The following PIK3C2A variants were observed in gnomAD, a reference collection of about 807,000 sequenced individuals.
The protein encoded by PIK3C2A is phosphatidylinositol-4-phosphate 3-kinase catalytic subunit type 2 alpha.
PIK3C2A carries 97 observed loss-of-function variants against 204.5 expected under a neutral mutation model. The ratio of observed to expected loss-of-function variants is 0.47; its 90% CI spans 0.40 to 0.56. PIK3C2A has a LOEUF of 0.56. Among genes scored for constraint, PIK3C2A ranks in the 20% least tolerant of loss-of-function variants. The pLI is 0.00. For synonymous variants in PIK3C2A, 653 were observed against 664.4 expected (o/e 0.98, Z 0.26); for missense variants, 1,735 against 1,969.2 (o/e 0.88, Z 2.25).
chr11:17,121,856 A>G (rs968413341), intron 15 of PIK3C2A, among the ~76,000 whole-genome samples: 1 of 152,050 alleles, frequency 6.6e-6, no homozygotes, highest in Middle Eastern at 3.2e-3. Context: ...GGTTAAAAAA[A>G]TCTCTTGATA....
At chr11:17,183,536 C>T (rs1051960239) in intron 1 of PIK3C2A, among the ~76,000 whole-genome samples, 11 of 151,936 alleles carry the variant, frequency 7.2e-5, no homozygotes, top group African/African-American at 1.2e-4. Context: ...ATTAGCCGGG[C>T]GTGGTGTGGT....
At chr11:17,172,692 G>A (rs962617525) in intron 1 of PIK3C2A, among the ~76,000 whole-genome samples, 15 of 152,098 alleles carry the variant, frequency 9.9e-5, no homozygotes, top group African/African-American at 2.7e-4. Context: ...GGAACAAACG[G>A]TTTTCTTTTC....
At chr11:17,097,442 A>G (rs541341936) in intron 26 of PIK3C2A, among the ~76,000 whole-genome samples, 178 bp from the exon 27 acceptor site, 1 of 152,338 alleles carries the variant, frequency 6.6e-6, no homozygotes, top group Admixed American at 6.5e-5. Context: ...TCTCACCCCA[A>G]CAAAATAATT....
At chr11:17,148,852 ATAATT>A in intron 4 of PIK3C2A, 65 bp from the exon 5 acceptor site, 2 of 1,334,646 alleles carry the variant, frequency 1.5e-6, no homozygotes, top group South Asian at 2.6e-5. Flanking sequence ...TGTATTACTT[ATAATT>A]TAAGACAGCA....
chr11:17,186,983 G>A (rs1023087656), intron 1 of PIK3C2A, among the ~76,000 whole-genome samples: 2 of 152,166 alleles, frequency 1.3e-5, no homozygotes, highest in Non-Finnish European at 2.9e-5. Context: ...GGAGGCTGAG[G>A]TGGGAAGATT....
chr11:17,146,798 A>G (rs1440911353), intron 6 of PIK3C2A, among the ~76,000 whole-genome samples: 1 of 152,140 alleles, frequency 6.6e-6, no homozygotes, highest in African/African-American at 2.4e-5. Flanking sequence ...AATGTACCAA[A>G]TTTTATGAAA....
At position 17,150,531 on chromosome 11, in the gene PIK3C2A, C is replaced by T. The variant is rs771932470; in HGVS notation, c.1294G>A (p.Gly432Arg). The T allele has an allele frequency of 1.2e-6, 2 of 1,608,482 alleles. No individual in the cohort carries two copies. Among genetic ancestry groups the T allele is most frequent in the Non-Finnish European group, 1.7e-6 (2 of 1,177,478 alleles). ...GTAAAAGTAACTGGTAGCTGAAATC[C>T]TTCAATGTCAATGGAGACCTTCACA... ...ASVKVSIDIE[G>R]FQLPVTFTCD... Residue 432 changes from glycine (G) to arginine (R), a missense_variant, in exon 4 of 33, where the codon GGA becomes AGA. Around this residue, in one of 6 missense-constraint regions of PIK3C2A, gnomAD observed 536 missense variants for 546.7 expected, o/e 0.98. Transcript: ENST00000691414.
intron 2 of PIK3C2A, among the ~76,000 whole-genome samples, chr11:17,165,813 G>C: frequency 6.9e-6 from 1 of 145,148 alleles, no homozygotes; most frequent in East Asian, 2.0e-4. Context: ...AAAAAAGGGA[G>C]GGCTTTTAGA....
intron 1 of PIK3C2A, among the ~76,000 whole-genome samples, chr11:17,181,746 T>C (rs1348846950): frequency 6.6e-6 from 1 of 151,362 alleles, no homozygotes; most frequent in East Asian, 1.9e-4. Context: ...TGAAAAACTA[T>C]TTTATTTAAG....
intron 23 of PIK3C2A, among the ~76,000 whole-genome samples, chr11:17,103,076 CAGTCCCTACTTA>C (rs1848694990): frequency 6.6e-6 from 1 of 151,880 alleles, no homozygotes; most frequent in Non-Finnish European, 1.5e-5. Context: ...GGATCTCTAC[CAGTCCCTACTTA>C]GGTACGTGCT....
chr11:17,169,992 G>A (rs980891751), intron 1 of PIK3C2A, among the ~76,000 whole-genome samples, 186 bp from the exon 2 acceptor site: 2 of 152,198 alleles, frequency 1.3e-5, no homozygotes, highest in African/African-American at 4.8e-5. Flanking sequence ...TTGGGTTACA[G>A]AAGATGTTCA....
chr11:17,189,378 G>A (rs1851864255), intron 1 of PIK3C2A, among the ~76,000 whole-genome samples: 2 of 146,380 alleles, frequency 1.4e-5, no homozygotes. Context: ...ACTATGGCAG[G>A]CCGAGGCGGG....
chr11:17,127,697 C>T (rs896309717), intron 13 of PIK3C2A, among the ~76,000 whole-genome samples: 4 of 152,082 alleles, frequency 2.6e-5, no homozygotes, highest in Admixed American at 2.6e-4. Context: ...TTATTGTCAA[C>T]AGATGATTAC....
chr11:17,100,049 G>A (rs1848572322), intron 25 of PIK3C2A, 80 bp from the exon 26 acceptor site: 1 of 721,908 alleles, frequency 1.4e-6, no homozygotes. Flanking sequence ...GGCTGCTCAA[G>A]TAATCAGAAC....
At chr11:17,190,432 G>A (rs553233890) in intron 1 of PIK3C2A, among the ~76,000 whole-genome samples, 67 of 150,682 alleles carry the variant, frequency 4.4e-4, no homozygotes, top group African/African-American at 1.6e-3. Context: ...TTAGCCAGGC[G>A]TGGTGGTGCG....
chr11:17,112,024 A>T (rs914244090), intron 21 of PIK3C2A, among the ~76,000 whole-genome samples: 1 of 152,134 alleles, frequency 6.6e-6, no homozygotes, highest in Non-Finnish European at 1.5e-5. Context: ...TGTGAGTACA[A>T]AGGAATTTAT....
At chr11:17,106,108 C>CAAAA (rs71047530) in intron 22 of PIK3C2A, among the ~76,000 whole-genome samples, 1 of 138,516 alleles carries the variant, frequency 7.2e-6, no homozygotes. Flanking sequence ...GACTCTATCT[C>CAAAA]AAAAAAAAAA....
Position 17,087,275 on chromosome 11 carries a change from C to T in PIK3C2A, c.*2463G>A, listed in dbSNP as rs761107854. On this transcript the variant is annotated 3_prime_UTR_variant, in exon 33 of 33. Coordinates refer to ENST00000691414, the MANE Select transcript of PIK3C2A (RefSeq NM_002645.4). ...CAGCTTTTAAAAAATGCTTAAAAAT[C>T]CAACTGATTTAAAATTTATTGATAG... 2.6e-5 allele frequency: 4 copies of T among 152,018 alleles called. No individual in the cohort carries two copies. Among genetic ancestry groups the T allele is most frequent in the Admixed American group, 6.6e-5 (1 of 15,236 alleles). 9.4% of individuals were successfully genotyped at this position (152,018 alleles called of 1,614,324 possible).
chr11:17,115,247 G>A (rs1177557999), intron 19 of PIK3C2A, among the ~76,000 whole-genome samples: 1 of 151,696 alleles, frequency 6.6e-6, no homozygotes, highest in East Asian at 1.9e-4. Flanking sequence ...ATTAAAAAAA[G>A]TATAGGCTGG....
Sources: allele counts gnomAD v4.1 joint callset (sites outside exome capture counted in the v4.1 genomes callset), GRCh38; gene constraint gnomAD v4.1.1; regional missense constraint gnomAD v4.1.1; transcripts MANE v1.5; gene names NCBI Gene and HGNC (gene_info 2026-07-23, HGNC 2026-07-21).